Variants in TBC1D5 observed in about 807,000 individuals in gnomAD.
TBC1D5 encodes the protein TBC1 domain family member 5, also known as TBC1 domain family, member 5.
In TBC1D5, 75 loss-of-function variants were observed where a neutral mutation model predicts 100.3. The observed-to-expected ratio is 0.75, with a 90% CI of 0.62 to 0.91. The LOEUF (loss-of-function observed/expected upper bound fraction) is 0.91. TBC1D5 is among the 40% of genes least tolerant of loss of function. The pLI is 0.00. For synonymous variants in TBC1D5, 323 were observed against 325.6 expected (o/e 0.99, Z 0.09); for missense variants, 910 against 942.4 (o/e 0.97, Z 0.45).
intron 1 of TBC1D5, among the ~76,000 whole-genome samples, chr3:17,650,837 T>A (rs2065479033): frequency 6.6e-6 from 1 of 152,234 alleles, no homozygotes; most frequent in Non-Finnish European, 1.5e-5. Context: ...TTGGGTACAG[T>A]AGCTCTGATT....
At chr3:17,352,625 CAGA>C (rs1454614648) in intron 13 of TBC1D5, among the ~76,000 whole-genome samples, 1 of 125,418 alleles carries the variant, frequency 8.0e-6, no homozygotes, top group African/African-American at 3.0e-5. Flanking sequence ...AGACAAATAA[CAGA>C]AGATTTATAT....
chr3:17,718,996 A>G (rs1024495745), intron 1 of TBC1D5, among the ~76,000 whole-genome samples: 2 of 152,228 alleles, frequency 1.3e-5, no homozygotes, highest in Non-Finnish European at 2.9e-5. Flanking sequence ...TATCTCAACA[A>G]TATCAATAAT....
In TBC1D5 at chr3:17,698,631, C is replaced by T. The variant is rs1452430447; in HGVS notation, c.-101+40712G>A. On this transcript the variant is annotated intron_variant, in intron 1 of 21. Coordinates refer to ENST00000253692, the Ensembl canonical transcript of TBC1D5. ...AACCTACAAAATGGGAGAAAATTTT[C>T]GCAACCTACTCATCTGACAAAGGGC... Among the ~76,000 whole-genome samples the T allele has an allele frequency of 8.2e-5, 12 of 146,302 alleles. No homozygotes were observed. In the South Asian group the frequency reaches 1.1e-3, roughly 14 times the overall value.
At chr3:17,367,651 G>A (rs2151975926) in intron 13 of TBC1D5, among the ~76,000 whole-genome samples, 1 of 152,090 alleles carries the variant, frequency 6.6e-6, no homozygotes, top group East Asian at 1.9e-4. Context: ...TCAAGGTCAG[G>A]AGTTTGAGAC....
At chr3:17,196,186 G>A (rs927777177) in intron 18 of TBC1D5, among the ~76,000 whole-genome samples, 5 of 152,222 alleles carry the variant, frequency 3.3e-5, no homozygotes, top group Non-Finnish European at 7.3e-5. Context: ...GGAAACATTT[G>A]CAGATTACGT....
chr3:17,412,310 C>T (rs2093948148), intron 4 of TBC1D5, among the ~76,000 whole-genome samples: 2 of 151,972 alleles, frequency 1.3e-5, no homozygotes, highest in African/African-American at 2.4e-5. Flanking sequence ...TGGTTTGATA[C>T]TTCAAAATTA....
intron 2 of TBC1D5, among the ~76,000 whole-genome samples, chr3:17,599,886 G>A (rs2060818802): frequency 6.6e-6 from 1 of 152,118 alleles, no homozygotes; most frequent in Non-Finnish European, 1.5e-5. Context: ...AGGGGGATGG[G>A]GAAAAGGTTG....
At chr3:17,276,547 G>A (rs1366438490) in intron 15 of TBC1D5, among the ~76,000 whole-genome samples, 1 of 152,162 alleles carries the variant, frequency 6.6e-6, no homozygotes, top group Non-Finnish European at 1.5e-5. Flanking sequence ...GTGTCAGAGA[G>A]ATGACTTGGC....
At chr3:17,350,266 A>G (rs2090403459) in intron 13 of TBC1D5, among the ~76,000 whole-genome samples, 1 of 152,182 alleles carries the variant, frequency 6.6e-6, no homozygotes, top group South Asian at 2.1e-4. Flanking sequence ...AGATAAGAAA[A>G]AAAAGGAAAA....
chr3:17,285,211 T>A (rs1262819290), intron 15 of TBC1D5, among the ~76,000 whole-genome samples: 1 of 147,566 alleles, frequency 6.8e-6, no homozygotes, highest in Non-Finnish European at 1.5e-5. Flanking sequence ...ATATAGTGCA[T>A]CATCCTCAAA....
chr3:17,594,739 A>G (rs1342209777), intron 2 of TBC1D5, among the ~76,000 whole-genome samples: 1 of 152,138 alleles, frequency 6.6e-6, no homozygotes, highest in East Asian at 1.9e-4. Context: ...TGTACAAAGG[A>G]TAGTTGTATT....
intron 1 of TBC1D5, among the ~76,000 whole-genome samples, chr3:17,691,943 CCA>C (rs1396601900): frequency 1.3e-5 from 2 of 151,724 alleles, no homozygotes; most frequent in Non-Finnish European, 2.9e-5. Flanking sequence ...TTCAAGGATT[CCA>C]CACACAACAA....
intron 19 of TBC1D5, among the ~76,000 whole-genome samples, chr3:17,176,623 G>A (rs1308212283): frequency 6.6e-6 from 1 of 152,058 alleles, no homozygotes; most frequent in Non-Finnish European, 1.5e-5. Flanking sequence ...ACACAGGGAG[G>A]GGAACATCAT....
At chr3:17,349,184 A>G (rs2151619582) in intron 13 of TBC1D5, among the ~76,000 whole-genome samples, 1 of 152,300 alleles carries the variant, frequency 6.6e-6, no homozygotes, top group South Asian at 2.1e-4. Flanking sequence ...TTTTGCTTCA[A>G]TTAGTCTATC....
At position 17,413,917 on chromosome 3, in the gene TBC1D5, G is replaced by C. The variant is rs2094000190; in HGVS notation, c.168-7391C>G. Among the ~76,000 whole-genome samples the C allele has an allele frequency of 3.9e-5, 6 of 152,298 alleles. No individual in the cohort carries two copies. In the South Asian group the frequency reaches 1.2e-3, roughly 32 times the overall value. Reference sequence around the variant, plus strand: ...AAGATCTCTAATCATTGGTTAAGAGGAGCTACTTAGGCTTCTACTGACAAT... The same window carrying C: ...AAGATCTCTAATCATTGGTTAAGAGCAGCTACTTAGGCTTCTACTGACAAT... On this transcript the variant is annotated intron_variant, in intron 4 of 21. Transcript: ENST00000253692.
chr3:17,359,642 AGG>A (rs1364307998), intron 13 of TBC1D5, among the ~76,000 whole-genome samples: 1 of 152,054 alleles, frequency 6.6e-6, no homozygotes, highest in Non-Finnish European at 1.5e-5. Flanking sequence ...TCAAAAAATA[AGG>A]GTAGAAACTT....
exon 20 of TBC1D5, chr3:17,167,784 C>A: frequency 6.2e-7 from 1 of 1,612,302 alleles, no homozygotes; most frequent in Non-Finnish European, 8.5e-7. Flanking sequence ...AGAATTTGAT[C>A]TTCTTTTTCC....
chr3:17,601,410 C>G (rs1053386775), intron 2 of TBC1D5, among the ~76,000 whole-genome samples: 18 of 152,342 alleles, frequency 1.2e-4, no homozygotes, highest in Admixed American at 1.2e-3. Flanking sequence ...ACTCCAGAGG[C>G]TGAGGCAGGA....
chr3:17,586,709 CA>C (rs1186696071), intron 2 of TBC1D5, among the ~76,000 whole-genome samples: 1 of 152,054 alleles, frequency 6.6e-6, no homozygotes, highest in Non-Finnish European at 1.5e-5. Flanking sequence ...TCTTAGAGGA[CA>C]AACGTTAGCC....
Sources: allele counts gnomAD v4.1 joint callset (sites outside exome capture counted in the v4.1 genomes callset), GRCh38; gene constraint gnomAD v4.1.1; transcripts MANE v1.5; gene names NCBI Gene and HGNC (gene_info 2026-07-23, HGNC 2026-07-21).